ANKRD62: variants seen among roughly 807,000 people sequenced by gnomAD.
The protein encoded by ANKRD62 is ankyrin repeat domain 62.
ANKRD62 carries 61 observed loss-of-function variants against 98.8 expected under a neutral mutation model. That is an observed-to-expected ratio of 0.62 (90% CI 0.50 to 0.76). ANKRD62 has a LOEUF of 0.76. ANKRD62 is among the 30% of genes least tolerant of loss of function. The pLI is 0.00. For synonymous variants in ANKRD62, 341 were observed against 367.9 expected, an observed-to-expected ratio of 0.93 and a Z score of 0.84; for missense variants, 933 against 1,082.9, an observed-to-expected ratio of 0.86 and a Z score of 1.94.
At position 12,109,964 on chromosome 18, in the gene ANKRD62, A is replaced by C. The variant is rs1909503599; in HGVS notation, c.1064+2497A>C. Among the ~76,000 whole-genome samples, 3 of 151,874 alleles carry C rather than the reference A, an allele frequency of 2.0e-5. No individual in the cohort carries two copies. The South Asian group carries it at 6.2e-4, about 32-fold the overall frequency. On this transcript the variant is annotated intron_variant, in intron 8 of 13. Coordinates refer to ENST00000587848, the MANE Select transcript of ANKRD62 (RefSeq NM_001277333.2). ...TTCACTGTTACCAAAAAAAAAAAAA[A>C]AAAAAAACAGACAGACAGGTAGTAG...
At chr18:12,131,615 A>G (rs373214036), downstream of ANKRD62, among the ~76,000 whole-genome samples, 1 of 152,140 alleles carries the variant, frequency 6.6e-6, no homozygotes, top group African/African-American at 2.4e-5. Flanking sequence ...TCAACTTCTC[A>G]AGGTTATGGT....
At chr18:12,157,615 T>C in the ANKRD62 span, among the ~76,000 whole-genome samples, 9 of 152,340 alleles carry the variant, frequency 5.9e-5, no homozygotes, top group East Asian at 1.5e-3. Context: ...CTCCTAGGGC[T>C]AGTGTGTTCG....
At chr18:12,152,260 G>A in the ANKRD62 span, among the ~76,000 whole-genome samples, 4 of 147,940 alleles carry the variant, frequency 2.7e-5, no homozygotes. Context: ...TCCTGATACC[G>A]AAACCTGCAG....
At chr18:12,167,950 T>C in the ANKRD62 span, among the ~76,000 whole-genome samples, 1 of 152,248 alleles carries the variant, frequency 6.6e-6, no homozygotes. Context: ...TATCTATTCA[T>C]ATGCTTTGCC....
At chr18:12,162,556 C>A in the ANKRD62 span, among the ~76,000 whole-genome samples, 2 of 152,052 alleles carry the variant, frequency 1.3e-5, no homozygotes, top group African/African-American at 4.8e-5. Context: ...GCTTTGGTTC[C>A]CTGTGCTTTT....
At chr18:12,139,844 G>C in the ANKRD62 span, among the ~76,000 whole-genome samples, 59 of 152,066 alleles carry the variant, frequency 3.9e-4, no homozygotes, top group African/African-American at 1.3e-3. Context: ...CTCTTCTCGA[G>C]GAGTATCTTT....
the ANKRD62 span, among the ~76,000 whole-genome samples, chr18:12,176,123 C>CA: frequency 6.6e-6 from 1 of 151,736 alleles, no homozygotes; most frequent in Non-Finnish European, 1.5e-5. Flanking sequence ...ACCTGGGAGG[C>CA]AGAGGTTGCA....
chr18:12,140,144 A>C, the ANKRD62 span, among the ~76,000 whole-genome samples: 3 of 152,176 alleles, frequency 2.0e-5, no homozygotes, highest in Non-Finnish European at 4.4e-5. Context: ...TGCATCGGTT[A>C]CTGAGGCTTG....
downstream of ANKRD62, among the ~76,000 whole-genome samples, chr18:12,132,333 T>C (rs1439411102): frequency 6.6e-6 from 1 of 152,178 alleles, no homozygotes; most frequent in Non-Finnish European, 1.5e-5. Flanking sequence ...TTCACTTGGT[T>C]TTCCACATAG....
the ANKRD62 span, among the ~76,000 whole-genome samples, chr18:12,178,201 A>G: frequency 1.3e-5 from 2 of 151,528 alleles, no homozygotes; most frequent in East Asian, 3.9e-4. Context: ...GACAAACCCA[A>G]TTACCTGGAG....
the ANKRD62 span, among the ~76,000 whole-genome samples, chr18:12,172,602 G>A: frequency 6.6e-5 from 10 of 151,966 alleles, no homozygotes; most frequent in East Asian, 1.9e-4. Flanking sequence ...CAGTCTGTCC[G>A]TTCTCAGATC....
the ANKRD62 span, among the ~76,000 whole-genome samples, chr18:12,172,943 T>C: frequency 1.3e-5 from 2 of 152,234 alleles, no homozygotes; most frequent in Non-Finnish European, 1.5e-5. Context: ...TGCCATTTGC[T>C]AAGACCATAG....
At chr18:12,165,391 G>T in the ANKRD62 span, among the ~76,000 whole-genome samples, 2 of 151,780 alleles carry the variant, frequency 1.3e-5, no homozygotes, top group South Asian at 2.1e-4. Flanking sequence ...TTCTCTGGCG[G>T]TATAATTTCT....
At chr18:12,137,442 C>T in the ANKRD62 span, among the ~76,000 whole-genome samples, 5 of 152,112 alleles carry the variant, frequency 3.3e-5, no homozygotes, top group East Asian at 1.9e-4. Flanking sequence ...TTGCTGGATT[C>T]GGTTTGCCAC....
At position 12,125,978 on chromosome 18, in the gene ANKRD62, G is replaced by A; in HGVS notation, c.2157G>A (p.Glu719=). 2 of 1,537,230 alleles carry A rather than the reference G, an allele frequency of 1.3e-6. No individual in the cohort carries two copies. Among genetic ancestry groups the A allele is most frequent in the Non-Finnish European group, 1.7e-6 (2 of 1,146,900 alleles). The part of the protein sequence containing the change: ...AESTSSGLET[E]LHYEREALKE... Reference sequence around the variant, plus strand: ...GTACATCCAGTGGCCTGGAAACTGAGCTCCATTATGAAAGAGAGGCTCTCA... The same window carrying A: ...GTACATCCAGTGGCCTGGAAACTGAACTCCATTATGAAAGAGAGGCTCTCA... The change falls in exon 13 of 14, where the codon GAG becomes GAA. Residue 719 remains glutamate, a synonymous_variant. Coordinates refer to ENST00000587848, the MANE Select transcript of ANKRD62 (RefSeq NM_001277333.2).
the ANKRD62 span, among the ~76,000 whole-genome samples, chr18:12,139,702 C>T: frequency 0.24 from 36,564 of 151,820 alleles, 4,631 homozygotes; most frequent in Middle Eastern, 0.33. Context: ...TGTAGAGTTT[C>T]TGCTGAGAGA....
At chr18:12,102,516 A>G (rs933385310) in intron 6 of ANKRD62, 1 of 360,920 alleles carries the variant, frequency 2.8e-6, no homozygotes, top group Non-Finnish European at 5.3e-6. Context: ...CCCACTTTGT[A>G]TTTTAGTTAT....
chr18:12,164,271 C>A, the ANKRD62 span, among the ~76,000 whole-genome samples: 3 of 151,914 alleles, frequency 2.0e-5, no homozygotes, highest in Non-Finnish European at 4.4e-5. Context: ...CCTACATTTT[C>A]CAAGTTAGCA....
Position 12,126,142 on chromosome 18 carries a change from A to T in ANKRD62, c.2321A>T (p.Asp774Val). The change falls in exon 13 of 14, where the codon GAT becomes GTT. Residue 774 changes from aspartate (D) to valine (V), a missense_variant. Physicochemically the swap from Asp to Val is radical, Grantham distance 152. Coordinates refer to ENST00000587848, the MANE Select transcript of ANKRD62 (RefSeq NM_001277333.2). ...KYVRKQQSVE[D>V]GLFQLQSQNL... ...GTGAGAAAGCAGCAATCTGTAGAGG[A>T]TGGACTATTTCAACTACAAAGCCAA... 1 of 1,536,124 alleles carries T rather than the reference A, an allele frequency of 6.5e-7. No individual in the cohort carries two copies. The highest frequency in any genetic ancestry group is 8.7e-7 in the Non-Finnish European group (1 of 1,146,860).
Sources: gnomAD v4.1 joint callset for allele counts (sites outside exome capture counted in the v4.1 genomes callset) on GRCh38, gnomAD v4.1.1 for gene constraint, MANE v1.5 for transcripts, NCBI Gene and HGNC (gene_info 2026-07-23, HGNC 2026-07-21) for gene names.